ACCS: variants seen among roughly 807,000 people sequenced by gnomAD.
ACCS encodes the protein 1-aminocyclopropane-1-carboxylate synthase homolog (inactive).
In ACCS, 42 loss-of-function variants were observed where a neutral mutation model predicts 59.8. The ratio of observed to expected loss-of-function variants is 0.70; its 90% CI spans 0.55 to 0.91. ACCS has a LOEUF of 0.91. Among genes scored for constraint, ACCS ranks in the 40% least tolerant of loss-of-function variants. The pLI, the probability that ACCS is intolerant of heterozygous loss-of-function variation, is 0.00. For missense variants in ACCS, 602 were observed against 630.4 expected, an observed-to-expected ratio of 0.95 and a Z score of 0.48; for synonymous variants, 230 against 240.3, an observed-to-expected ratio of 0.96 and a Z score of 0.40.
rs1382392103 is a variant in ACCS, at chr11:44,083,781, C to T, written c.1495C>T (p.Gln499Ter). 3 of 1,611,250 alleles carry T rather than the reference C, an allele frequency of 1.9e-6. No individual in the cohort carries two copies. Among genetic ancestry groups the T allele is most frequent in the East Asian group, 4.5e-5 (2 of 44,766 alleles). The change falls in exon 15 of 15, where the codon CAA becomes TAA. Residue 499 changes from glutamine (Q) to a stop codon, truncating the protein, a stop_gained. Coordinates refer to ENST00000263776, the MANE Select transcript of ACCS (RefSeq NM_032592.4). LOFTEE classifies it high-confidence loss of function. ...RPSQSQEPSD[Q>*]RR ...CTCTCAGAGCCAGGAGCCAAGTGACCAACGCAGGTGAGCTGGTCATTGTCT... is the reference window on the plus strand; with the variant it reads ...CTCTCAGAGCCAGGAGCCAAGTGACTAACGCAGGTGAGCTGGTCATTGTCT...
intron 3 of ACCS, chr11:44,071,622 T>C (rs1402831274): frequency 7.3e-6 from 2 of 275,686 alleles, no homozygotes; most frequent in Non-Finnish European, 1.4e-5. Flanking sequence ...CAATTAGCTC[T>C]TCAGGGGGAC....
intron 2 of ACCS, among the ~76,000 whole-genome samples, chr11:44,070,746 C>T (rs1228946771): frequency 6.6e-6 from 1 of 152,198 alleles, no homozygotes; most frequent in East Asian, 1.9e-4. Flanking sequence ...GGAACCTCTT[C>T]TTGATCTACA....
chr11:44,079,001 C>T, intron 9 of ACCS: 1 of 550,344 alleles, frequency 1.8e-6, no homozygotes, highest in Non-Finnish European at 3.3e-6. Flanking sequence ...AGCGCACACT[C>T]TAGGGGCCAG....
At chr11:44,078,368 A>AT (rs907032237) in intron 8 of ACCS, 102 of 304,990 alleles carry the variant, frequency 3.3e-4, no homozygotes, top group Middle Eastern at 9.5e-4. Context: ...AATCTACTTA[A>AT]TTTTTTTTTA....
At position 44,083,528 on chromosome 11, in the gene ACCS, T is replaced by A. The variant is rs1220385567; in HGVS notation, c.1359T>A (p.Pro453=). 4 of 1,614,254 alleles carry A rather than the reference T, an allele frequency of 2.5e-6. No homozygotes were observed. The highest frequency in any genetic ancestry group is 1.3e-5 in the African/African-American group (1 of 75,076). ...SFGKAFECKE[P]GWFRFVFSDQ... is the part of the protein sequence containing the mutation. ...GCAAGGCCTTCGAGTGTAAAGAGCC[T>A]GGTTGGTTTCGCTTTGTCTTCTCAG... Residue 453 remains proline, a synonymous_variant, in exon 14 of 15, where the codon CCT becomes CCA. Transcript: ENST00000263776.
At chr11:44,080,718 G>T in intron 10 of ACCS, 3 of 464,526 alleles carry the variant, frequency 6.5e-6, no homozygotes, top group Non-Finnish European at 1.2e-5. Flanking sequence ...GTCCCAGGGG[G>T]AGTGGTTAGG....
chr11:44,081,146 G>T (rs1349754384), intron 11 of ACCS, 33 bp from the exon 12 acceptor site: 1 of 1,614,168 alleles, frequency 6.2e-7, no homozygotes, highest in Non-Finnish European at 8.5e-7. Flanking sequence ...TCCATGGAGG[G>T]CTGGCCACCG....
At chr11:44,076,308 AT>A (rs1953358162) in intron 6 of ACCS, among the ~76,000 whole-genome samples, 1 of 152,250 alleles carries the variant, frequency 6.6e-6, no homozygotes, top group African/African-American at 2.4e-5. Context: ...AGTAACATTT[AT>A]TGACCACGTA....
At chr11:44,069,104 T>C (rs1952925014) in intron 2 of ACCS, among the ~76,000 whole-genome samples, 1 of 152,220 alleles carries the variant, frequency 6.6e-6, no homozygotes, top group Non-Finnish European at 1.5e-5. Context: ...ATTGTGTTAG[T>C]TATCTATTGT....
intron 8 of ACCS, chr11:44,078,480 A>T (rs1953482065): frequency 2.0e-6 from 1 of 492,312 alleles, no homozygotes; most frequent in Non-Finnish European, 3.6e-6. Flanking sequence ...GTATTTGGGT[A>T]TATTTTTTCT....
At position 44,071,318 on chromosome 11, in the gene ACCS, A is replaced by G. The variant is rs2134826301; in HGVS notation, c.348+3A>G. 1 of 1,614,000 alleles carries G rather than the reference A, an allele frequency of 6.2e-7. No individual in the cohort carries two copies. The highest frequency in any genetic ancestry group is 2.2e-5 in the East Asian group (1 of 44,874). On this transcript the variant is annotated splice_donor_region_variant and intron_variant, in intron 3 of 14. Transcript: ENST00000263776. ...GCTTTGACCTGCTGTCCTGGCGGGT[A>G]AGTCCTAGGGCCCCTCTAGGGGGCA... is the stretch of plus-strand genomic sequence containing the variant.
At chr11:44,079,714 C>A (rs1953552697) in intron 10 of ACCS, 94 bp downstream of exon 10, 1 of 1,095,054 alleles carries the variant, frequency 9.1e-7, no homozygotes, top group Non-Finnish European at 1.3e-6. Flanking sequence ...ATGGCCTGCC[C>A]AGAGCAATTC....
chr11:44,070,130 C>G (rs543033909), intron 2 of ACCS, among the ~76,000 whole-genome samples: 1 of 152,204 alleles, frequency 6.6e-6, no homozygotes, highest in African/African-American at 2.4e-5. Flanking sequence ...GTGATAGAAC[C>G]TGTAGGGCCC....
chr11:44,067,352 C>CT (rs1435521374), intron 1 of ACCS: 1 of 344,768 alleles, frequency 2.9e-6, no homozygotes, highest in Non-Finnish European at 5.2e-6. Flanking sequence ...GAGTGAAAAA[C>CT]TTTTGCAGAA....
chr11:44,068,101 C>T (rs141038093), intron 2 of ACCS, among the ~76,000 whole-genome samples, 186 bp downstream of exon 2: 5 of 152,200 alleles, frequency 3.3e-5, no homozygotes, highest in African/African-American at 7.2e-5. Flanking sequence ...GGAAATGGTC[C>T]ATTTAGAATA....
rs1214921568 is a variant in ACCS at position 44,073,527 on chromosome 11, T to G, written c.419+10T>G. ...GGAGGGGACATCTGTTGTAAGTAGTTGCCATAGGGTGAGTTTGTCCCCCTG... is the reference window on the plus strand; with the variant it reads ...GGAGGGGACATCTGTTGTAAGTAGTGGCCATAGGGTGAGTTTGTCCCCCTG... On this transcript the variant is annotated intron_variant, in intron 4 of 14. Transcript: ENST00000263776. 5 of 1,598,014 alleles carry G rather than the reference T, an allele frequency of 3.1e-6. No individual in the cohort carries two copies. Among genetic ancestry groups the G allele is most frequent in the Non-Finnish European group, 4.3e-6 (5 of 1,170,712 alleles).
At chr11:44,068,793 A>T (rs1390956631) in intron 2 of ACCS, among the ~76,000 whole-genome samples, 1 of 152,250 alleles carries the variant, frequency 6.6e-6, no homozygotes, top group Non-Finnish European at 1.5e-5. Flanking sequence ...GAAGTCAGAA[A>T]GCTGTTACAA....
At position 44,083,287 on chromosome 11, in the gene ACCS, CTT is replaced by C. The variant is rs777977381; in HGVS notation, c.1231_1232del (p.Phe411HisfsTer4). ...CCTTCTTGAGTCGTGGGGCTGGCTT[CTT>C]CATCTGGGTTGACTTGAGAAAGGTA... ...IPFLSRGAGF[F>X]IWVDLRKYLP... is the part of the protein sequence containing the mutation. On this transcript the variant is annotated frameshift_variant, in exon 13 of 15. Transcript: ENST00000263776. LOFTEE classifies it high-confidence loss of function. 61 of 1,614,038 alleles carry C rather than the reference CTT, an allele frequency of 3.8e-5. No homozygotes were observed. The highest frequency in any genetic ancestry group is 5.0e-5 in the Non-Finnish European group (59 of 1,180,030).
intron 3 of ACCS, among the ~76,000 whole-genome samples, chr11:44,072,600 TTAA>T (rs1202585645): frequency 6.6e-6 from 1 of 152,210 alleles, no homozygotes; most frequent in Admixed American, 6.5e-5. Context: ...AAAACTAATT[TTAA>T]TAATATATTT....
Sources: allele counts gnomAD v4.1 joint callset (sites outside exome capture counted in the v4.1 genomes callset), GRCh38; gene constraint gnomAD v4.1.1; transcripts MANE v1.5; gene names NCBI Gene and HGNC (gene_info 2026-07-23, HGNC 2026-07-21).